The following ROBO1 variants were observed in gnomAD, a reference collection of about 807,000 sequenced individuals.
ROBO1 encodes roundabout homolog 1.
A neutral mutation model predicts 195.9 loss-of-function variants in ROBO1; 149 were observed. The observed-to-expected ratio is 0.76, with a 90% CI of 0.67 to 0.87. ROBO1 has a LOEUF of 0.87. Ranked by LOEUF, ROBO1 falls within the 40% of genes least tolerant of loss-of-function variation. The pLI is 0.00. For synonymous variants in ROBO1, 816 were observed against 733.2 expected (o/e 1.11, Z -1.82); for missense variants, 1,933 against 2,068.3 (o/e 0.93, Z 1.27).
Position 78,614,632 on chromosome 3 carries a change from G to A in ROBO1, c.4435+16C>T, listed in dbSNP as rs959390539. 59 of 1,612,130 alleles carry A rather than the reference G, an allele frequency of 3.7e-5. No individual in the cohort carries two copies. The Admixed American group carries it at 4.7e-4, about 13-fold the overall frequency. ...GCGAGATTCATAGACGTTTTCATCC[G>A]TGTCAATGGACTCACCATCTGTGTA... On this transcript the variant is annotated intron_variant, in intron 28 of 30. Transcript: ENST00000464233.
chr3:79,234,937 C>T (rs999793188), intron 2 of ROBO1, among the ~76,000 whole-genome samples: 6 of 151,946 alleles, frequency 3.9e-5, no homozygotes, highest in South Asian at 4.2e-4. Context: ...AATATATCCA[C>T]GTAGCAAACT....
At chr3:78,734,245 C>G (rs933368013) in intron 5 of ROBO1, among the ~76,000 whole-genome samples, 1 of 152,102 alleles carries the variant, frequency 6.6e-6, no homozygotes, top group African/African-American at 2.4e-5. Flanking sequence ...TCTATGTCAT[C>G]TAATGTTACT....
intron 4 of ROBO1, among the ~76,000 whole-genome samples, chr3:78,801,969 T>C (rs988804993): frequency 6.6e-6 from 1 of 152,154 alleles, no homozygotes; most frequent in Non-Finnish European, 1.5e-5. Context: ...TATATTAAAA[T>C]ACATTTAAAA....
intron 2 of ROBO1, among the ~76,000 whole-genome samples, chr3:79,441,042 CTTA>C (rs2039038711): frequency 6.6e-6 from 1 of 151,984 alleles, no homozygotes; most frequent in Non-Finnish European, 1.5e-5. Flanking sequence ...ACTAGTCATG[CTTA>C]TTTTTTTATT....
chr3:79,333,036 T>C (rs2034513175), intron 2 of ROBO1, among the ~76,000 whole-genome samples: 1 of 152,012 alleles, frequency 6.6e-6, no homozygotes, highest in African/African-American at 2.4e-5. Flanking sequence ...ACCCCGTCTC[T>C]GCTGAAAATA....
Position 78,972,844 on chromosome 3 carries a change from A to G in ROBO1, c.173-33917T>C, listed in dbSNP as rs534927459. Among the ~76,000 whole-genome samples, 23 of 152,250 alleles carry G rather than the reference A, an allele frequency of 1.5e-4. No homozygotes were observed. In the South Asian group the frequency reaches 3.9e-3, roughly 26 times the overall value. On this transcript the variant is annotated intron_variant, in intron 3 of 30. Transcript: ENST00000464233. ...CTGGTACCAGAATACACAGATGACT[A>G]ATGTTGGGGAAACTGGAATCCTTCC...
chr3:79,019,625 G>C (rs900891079), intron 3 of ROBO1, among the ~76,000 whole-genome samples: 5 of 152,034 alleles, frequency 3.3e-5, no homozygotes, highest in African/African-American at 1.2e-4. Context: ...ACAAGCCAGG[G>C]GTGCCCAACT....
chr3:78,608,171 G>A (rs1021192853), intron 28 of ROBO1, among the ~76,000 whole-genome samples: 2 of 152,076 alleles, frequency 1.3e-5, no homozygotes, highest in African/African-American at 4.8e-5. Context: ...CTGGAGTGCA[G>A]TGGTGTGATC....
chr3:79,724,025 T>C (rs547686352), intron 1 of ROBO1, among the ~76,000 whole-genome samples: 77 of 152,304 alleles, frequency 5.1e-4, no homozygotes, highest in African/African-American at 1.8e-3. Flanking sequence ...TAATAAAGGA[T>C]TTTGGCTTAA....
At chr3:78,673,562 TTATA>T (rs1166250669) in intron 10 of ROBO1, among the ~76,000 whole-genome samples, 1,597 of 63,206 alleles carry the variant, frequency 0.025, 38 homozygotes, top group African/African-American at 0.053. Flanking sequence ...TACATATATT[TTATA>T]TATATATATA....
At chr3:78,794,980 A>C (rs2084139422) in intron 4 of ROBO1, among the ~76,000 whole-genome samples, 2 of 152,232 alleles carry the variant, frequency 1.3e-5, no homozygotes, top group African/African-American at 4.8e-5. Flanking sequence ...GTATCTTATA[A>C]GCAGCCTAGT....
At chr3:79,067,894 A>G (rs1384231014) in intron 3 of ROBO1, among the ~76,000 whole-genome samples, 1 of 151,854 alleles carries the variant, frequency 6.6e-6, no homozygotes, top group Non-Finnish European at 1.5e-5. Context: ...ATTCCCTTCT[A>G]ACTTCACTTG....
At chr3:79,532,463 A>G (rs940133811) in intron 2 of ROBO1, among the ~76,000 whole-genome samples, 1 of 152,224 alleles carries the variant, frequency 6.6e-6, no homozygotes, top group Non-Finnish European at 1.5e-5. Flanking sequence ...AAGGTATGCC[A>G]TCACTAGAAA....
chr3:78,906,657 G>T (rs2037940955), intron 4 of ROBO1, among the ~76,000 whole-genome samples: 1 of 152,054 alleles, frequency 6.6e-6, no homozygotes, highest in Non-Finnish European at 1.5e-5. Flanking sequence ...CAAATGGTTT[G>T]ATGTCAAGAC....
chr3:79,529,697 T>C (rs1034857590), intron 2 of ROBO1, among the ~76,000 whole-genome samples: 2 of 152,164 alleles, frequency 1.3e-5, no homozygotes, highest in Non-Finnish European at 2.9e-5. Context: ...ACTTCTGAAG[T>C]ATTTATTTCT....
intron 2 of ROBO1, among the ~76,000 whole-genome samples, chr3:79,334,908 C>A (rs943669098): frequency 6.6e-6 from 1 of 151,882 alleles, no homozygotes; most frequent in Non-Finnish European, 1.5e-5. Context: ...GAGTTTGAGA[C>A]CAGCCTGGCC....
rs538931220 is a variant in ROBO1 at position 79,358,215 on chromosome 3, A to G, written c.88+231609T>C. ...TCTATAGGGATGTTACAATAATTAA[A>G]CATCTTAGTAACTATGAAACACTAA... On this transcript the variant is annotated intron_variant, in intron 2 of 30. Transcript: ENST00000464233. Among the ~76,000 whole-genome samples the G allele has an allele frequency of 2.0e-5, 3 of 152,182 alleles. No individual in the cohort carries two copies. The South Asian group carries it at 6.2e-4, about 32-fold the overall frequency.
rs376726973 is a variant in ROBO1 at position 78,932,673 on chromosome 3, T to G, written c.499+5928A>C. 2.6e-5 allele frequency among the ~76,000 whole-genome samples: 4 copies of G among 152,212 alleles called. No homozygotes were observed. The East Asian group carries it at 7.7e-4, about 29-fold the overall frequency. On this transcript the variant is annotated intron_variant, in intron 4 of 30. Coordinates refer to ENST00000464233, the MANE Select transcript of ROBO1 (RefSeq NM_002941.4). ...AAATATTATTGAACAGTAAATAGCT[T>G]TCCATAGAAAATAAGAAAATACATA...
chr3:78,597,896 G>C lies in ROBO1; in HGVS notation c.*1017C>G, dbSNP rs747703133. On this transcript the variant is annotated 3_prime_UTR_variant, in exon 31 of 31. Transcript: ENST00000464233. ...TTTTTTTTTTCAATAAGACAAAAAA[G>C]GTTAATAGTTACAATGGTTTACAAA... 6 of 144,046 alleles carry C rather than the reference G, an allele frequency of 4.2e-5. No homozygotes were observed. Among genetic ancestry groups the C allele is most frequent in the Non-Finnish European group, 9.1e-5 (6 of 66,272 alleles). The allele number at this position is 144,046 out of a possible 1,614,324, so 8.9% of individuals were successfully genotyped here. A position where few individuals can be genotyped will look rare whatever the true frequency, so the allele number is the denominator to read the frequency against.
Sources: gnomAD v4.1 joint callset for allele counts (sites outside exome capture counted in the v4.1 genomes callset) on GRCh38, gnomAD v4.1.1 for gene constraint, MANE v1.5 for transcripts, NCBI Gene and HGNC (gene_info 2026-07-23, HGNC 2026-07-21) for gene names.